MAP3K11: variants seen among roughly 807,000 people sequenced by gnomAD.
The protein encoded by MAP3K11 is SH3 domain-containing proline-rich kinase.
In MAP3K11, 46 loss-of-function variants were observed where a neutral mutation model predicts 84.9. The ratio of observed to expected loss-of-function variants is 0.54; its 90% CI spans 0.43 to 0.69. The LOEUF (loss-of-function observed/expected upper bound fraction) is 0.69. MAP3K11 is among the 30% of genes least tolerant of loss of function. The pLI is 0.00. For synonymous variants in MAP3K11, 527 were observed against 514.7 expected, an observed-to-expected ratio of 1.02 and a Z score of -0.32; for missense variants, 1,053 against 1,198.3, an observed-to-expected ratio of 0.88 and a Z score of 1.79.
At chr11:65,599,304 T>G in intron 9 of MAP3K11, 90 bp downstream of exon 9, 1 of 1,419,052 alleles carries the variant, frequency 7.0e-7, no homozygotes, top group Non-Finnish European at 9.2e-7. Flanking sequence ...GTCTCGGCCT[T>G]GCCTCCTTGC....
In MAP3K11 at chr11:65,607,271, G is replaced by A. The variant is rs754675221; in HGVS notation, c.1488C>T (p.Leu496=). Residue 496 remains leucine, a splice_region_variant and synonymous_variant, in exon 5 of 10, where the codon CTC becomes CTT. Coordinates refer to ENST00000309100, the MANE Select transcript of MAP3K11 (RefSeq NM_002419.4). The stretch of plus-strand genomic sequence containing the variant: ...GACGCCCCGGGGCCCGGCCCTCACC[G>A]AGTGGCATGCTGATACGCTCGCCGC... ...RDGGERISMP[L]DFKHRITVQA... is the part of the protein sequence containing the mutation. The A allele has an allele frequency of 5.6e-5, 85 of 1,514,424 alleles. No homozygotes were observed. The Admixed American group carries it at 1.4e-3, about 25-fold the overall frequency. 93.8% of individuals were successfully genotyped at this position (1,514,424 alleles called of 1,614,324 possible).
chr11:65,600,232 A>G (rs941865094), intron 8 of MAP3K11, among the ~76,000 whole-genome samples: 2 of 151,986 alleles, frequency 1.3e-5, no homozygotes, highest in Admixed American at 6.5e-5. Flanking sequence ...AGCTTATAAG[A>G]TGCACACAGT....
intron 8 of MAP3K11, among the ~76,000 whole-genome samples, chr11:65,603,349 T>C (rs1156944532): frequency 1.3e-5 from 2 of 152,236 alleles, no homozygotes; most frequent in East Asian, 3.8e-4. Flanking sequence ...GATAGATAGA[T>C]AGAGGCGAAA....
chr11:65,606,088 G>T lies in MAP3K11; in HGVS notation c.1604-7C>A. ...CCTGGCTCTGCAGGCTCCACTGCAGGGGAAACCGATGAAATCGGAGATAAT... is the reference window on the plus strand; with the variant it reads ...CCTGGCTCTGCAGGCTCCACTGCAGTGGAAACCGATGAAATCGGAGATAAT... On this transcript the variant is annotated splice_region_variant and splice_polypyrimidine_tract_variant and intron_variant, in intron 6 of 9. Transcript: ENST00000309100. The T allele has an allele frequency of 1.3e-6, 2 of 1,562,930 alleles. No individual in the cohort carries two copies. The highest frequency in any genetic ancestry group is 8.6e-7 in the Non-Finnish European group (1 of 1,159,810).
chr11:65,599,298 C>G, intron 9 of MAP3K11, 96 bp downstream of exon 9: 1 of 1,391,226 alleles, frequency 7.2e-7, no homozygotes, highest in South Asian at 1.5e-5. Context: ...ACTGTGGTCT[C>G]GGCCTTGCCT....
At chr11:65,607,900 C>T in intron 3 of MAP3K11, 22 bp downstream of exon 3, 6 of 1,611,412 alleles carry the variant, frequency 3.7e-6, no homozygotes, top group Non-Finnish European at 5.1e-6. Context: ...CTGTACCTCA[C>T]CTGCCCTCCC....
chr11:65,604,036 C>T (rs971226650), intron 8 of MAP3K11, among the ~76,000 whole-genome samples: 2 of 152,168 alleles, frequency 1.3e-5, no homozygotes, highest in Admixed American at 6.5e-5. Flanking sequence ...TGAAATACTT[C>T]GAGGAGATGA....
rs202055993 is a variant in MAP3K11, at chr11:65,613,770, C to T, written c.-14G>A. 214 of 1,532,046 alleles carry T rather than the reference C, an allele frequency of 1.4e-4. No homozygotes were observed. The highest frequency in any genetic ancestry group is 7.1e-4 in the Middle Eastern group (3 of 4,230). 94.9% of individuals were successfully genotyped at this position (1,532,046 alleles called of 1,614,324 possible). A position where few individuals can be genotyped will look rare whatever the true frequency, so the allele number is the denominator to read the frequency against. ...CAAGGGCTCCATGGCCGGGAGCCGG[C>T]GCTGGGATGTGTGGAGGACCTTCTC... is the stretch of plus-strand genomic sequence containing the variant. On this transcript the variant is annotated 5_prime_UTR_variant, in exon 1 of 10. Transcript: ENST00000309100.
intron 8 of MAP3K11, 141 bp downstream of exon 8, chr11:65,605,620 T>C (rs1024341044): frequency 2.0e-5 from 12 of 614,354 alleles, no homozygotes; most frequent in African/African-American, 1.9e-4. Context: ...CTCTGTCTTG[T>C]CTCAGCCTTG....
Position 65,605,781 on chromosome 11 carries a change from G to C in MAP3K11, c.1811C>G (p.Ser604Cys), listed in dbSNP as rs138968470. The change falls in exon 8 of 10, where the codon TCC becomes TGC. Residue 604 changes from serine to cysteine, a missense_variant. By Grantham distance (112) the Ser-to-Cys change is moderately radical. Transcript: ENST00000309100. ...CTCACCATTGAGTGCTGGGGGTGTG[G>C]AAGGAGATCCTAAGGGGGATGAGTC... ...SDDSSPLGSPSTPPALNGNPP... is the reference protein window; with the variant it reads ...SDDSSPLGSPCTPPALNGNPP... The C allele has an allele frequency of 5.6e-6, 9 of 1,611,006 alleles. No individual in the cohort carries two copies. The highest frequency in any genetic ancestry group is 1.3e-5 in the African/African-American group (1 of 74,872).
chr11:65,608,337 C>G lies in MAP3K11; in HGVS notation c.851G>C (p.Gly284Ala), dbSNP rs1424263938. 1 of 1,614,224 alleles carries G rather than the reference C, an allele frequency of 6.2e-7. No individual in the cohort carries two copies. The highest frequency in any genetic ancestry group is 8.5e-7 in the Non-Finnish European group (1 of 1,180,044). The change falls in exon 2 of 10, where the codon GGC becomes GCC. Residue 284 changes from glycine to alanine, a missense_variant. By Grantham distance (60) the Gly-to-Ala change is moderately conservative. Transcript: ENST00000309100. ...CTCAGGAGCCATCCAGGCGTAGGTG[C>G]CCGCGGCACTCATTTGTGTGGTTTT... Reference protein sequence around the residue: ...WHKTTQMSAAGTYAWMAPEVI... With the variant: ...WHKTTQMSAAATYAWMAPEVI...
Position 65,607,772 on chromosome 11 carries a change from T to C in MAP3K11, c.1114A>G (p.Ile372Val), listed in dbSNP as rs776572682. 2 of 1,613,272 alleles carry C rather than the reference T, an allele frequency of 1.2e-6. No homozygotes were observed. Among genetic ancestry groups the C allele is most frequent in the East Asian group, 4.5e-5 (2 of 44,852 alleles). ...TCCAGCGCCTCCAACTGCTGCAGGA[T>C]GGAGGCGAAGTCGGGCCTGCGGTGG... ...DPHRRPDFAS[I>V]LQQLEALEAQ... Residue 372 changes from isoleucine to valine, a missense_variant, in exon 4 of 10, where the codon ATC (isoleucine) becomes GTC (valine). Transcript: ENST00000309100.
At chr11:65,608,213 A>G in intron 2 of MAP3K11, 55 bp downstream of exon 2, 10 of 1,591,752 alleles carry the variant, frequency 6.3e-6, no homozygotes, top group Non-Finnish European at 8.6e-6. Flanking sequence ...TTAGGCAGCC[A>G]CCTCTGCCCT....
chr11:65,600,384 C>T (rs992803861), intron 8 of MAP3K11, among the ~76,000 whole-genome samples: 1 of 152,326 alleles, frequency 6.6e-6, no homozygotes, highest in East Asian at 1.9e-4. Context: ...CAGGCCTGAG[C>T]TGAATGGCAT....
Position 65,598,460 on chromosome 11 carries a change from G to A in MAP3K11, c.2375C>T (p.Pro792Leu). ...TCGGCGGGGTGCAGGCTGTGGTGAT[G>A]GCAGGGGAGAAGGCCGTGGCCCAGC... ...VSAGPRPSPL[P>L]SPQPAPRRAP... is the part of the protein sequence containing the mutation. Residue 792 changes from proline (P) to leucine (L), a missense_variant, in exon 10 of 10, where the codon CCA becomes CTA. Pro to Leu is a moderately conservative substitution (Grantham distance 98). Around this residue, in one of 3 missense-constraint regions of MAP3K11, gnomAD observed 583 missense variants for 566.6 expected, o/e 1.03. Transcript: ENST00000309100. 6.2e-7 allele frequency: 1 copy of A among 1,613,022 alleles called. No homozygotes were observed. Among genetic ancestry groups the A allele is most frequent in the Non-Finnish European group, 8.5e-7 (1 of 1,179,360 alleles).
chr11:65,600,614 C>A (rs1220614665), intron 8 of MAP3K11, among the ~76,000 whole-genome samples: 1 of 152,226 alleles, frequency 6.6e-6, no homozygotes, highest in East Asian at 1.9e-4. Context: ...TGACTCCATT[C>A]TAGACCACTT....
In MAP3K11 at chr11:65,598,539, G is replaced by C; in HGVS notation, c.2296C>G (p.Arg766Gly). The change falls in exon 10 of 10, where the codon CGA becomes GGA. Residue 766 changes from arginine to glycine, a missense_variant. Physicochemically the swap from Arg to Gly is moderately radical, Grantham distance 125 (BLOSUM62 -2). Transcript: ENST00000309100. ...PRSPPLGLIS[R>G]PRPSPLRSRI... ...CTGCGAAGGGGCGAGGGCCGAGGTCGGCTGATGAGGCCCAGGGGTGGTGAA... is the reference window on the plus strand; with the variant it reads ...CTGCGAAGGGGCGAGGGCCGAGGTCCGCTGATGAGGCCCAGGGGTGGTGAA... 1 of 1,611,510 alleles carries C rather than the reference G, an allele frequency of 6.2e-7. No homozygotes were observed. The highest frequency in any genetic ancestry group is 8.5e-7 in the Non-Finnish European group (1 of 1,178,804).
Position 65,613,048 on chromosome 11 carries a change from C to T in MAP3K11, c.709G>A (p.Val237Ile), listed in dbSNP as rs755824405. The part of the protein sequence containing the change: ...HYLHCEALVP[V>I]IHRDLKSNNI... ...TTGGACTTGAGATCACGGTGGATGA[C>T]GGGCACCAGGGCCTCGCAGTGCAGG... is the stretch of plus-strand genomic sequence containing the variant. Residue 237 changes from valine to isoleucine, a missense_variant, in exon 1 of 10, where the codon GTC (valine) becomes ATC (isoleucine). Transcript: ENST00000309100. 1.4e-5 allele frequency: 21 copies of T among 1,520,886 alleles called. No individual in the cohort carries two copies. In the East Asian group the frequency reaches 3.2e-4, roughly 23 times the overall value. The allele number at this position is 1,520,886 out of a possible 1,614,324, so 94.2% of individuals were successfully genotyped here. A position where few individuals can be genotyped will look rare whatever the true frequency, so the allele number is the denominator to read the frequency against.
At chr11:65,606,920 T>C (rs1590856620) in intron 5 of MAP3K11, 116 bp from the exon 6 acceptor site, 1 of 658,448 alleles carries the variant, frequency 1.5e-6, no homozygotes, top group East Asian at 3.1e-5. Context: ...GCACGATGGC[T>C]GTGAGACTGT....
Sources: allele counts gnomAD v4.1 joint callset (sites outside exome capture counted in the v4.1 genomes callset), GRCh38; gene constraint gnomAD v4.1.1; regional missense constraint gnomAD v4.1.1; transcripts MANE v1.5; gene names NCBI Gene and HGNC (gene_info 2026-07-23, HGNC 2026-07-21).